The following LRBA variants were observed in gnomAD, a reference collection of about 807,000 sequenced individuals.
The protein encoded by LRBA is LPS responsive beige-like anchor protein, also known as lipopolysaccharide-responsive and beige-like anchor protein.
In LRBA, 176 loss-of-function variants were observed where a neutral mutation model predicts 330.0. That is an observed-to-expected ratio of 0.53 (90% confidence interval 0.47 to 0.60). LRBA has a LOEUF of 0.60. LRBA is among the 20% of genes least tolerant of loss of function. The pLI, the probability that LRBA is intolerant of heterozygous loss-of-function variation, is 0.00. For missense variants in LRBA, 3,259 were observed against 3,444.8 expected, an observed-to-expected ratio of 0.95 and a Z score of 1.35; for synonymous variants, 1,230 against 1,193.0, an observed-to-expected ratio of 1.03 and a Z score of -0.64.
rs1733621450 is a variant in LRBA, at chr4:150,328,767, G to GCA, written c.7363-2871_7363-2870dup. Among the ~76,000 whole-genome samples the GCA allele has an allele frequency of 2.6e-5, 4 of 152,156 alleles. No homozygotes were observed. The South Asian group carries it at 8.3e-4, about 32-fold the overall frequency. On this transcript the variant is annotated intron_variant, in intron 48 of 56. Transcript: ENST00000651943. ...CAGAGGGTGGGTGGGAGGAAAAGCA[G>GCA]CATAGAGTGATATGGAAGCCATAGG...
intron 53 of LRBA, among the ~76,000 whole-genome samples, chr4:150,290,939 T>C (rs1728203133): frequency 6.6e-6 from 1 of 152,188 alleles, no homozygotes; most frequent in African/African-American, 2.4e-5. Flanking sequence ...AGCATTTATA[T>C]TGGACTTATG....
intron 22 of LRBA, among the ~76,000 whole-genome samples, chr4:150,859,362 T>G (rs945339039): frequency 2.6e-5 from 4 of 152,156 alleles, no homozygotes; most frequent in Non-Finnish European, 5.9e-5. Context: ...TAATTCAGAA[T>G]AGTTTAAATG....
intron 44 of LRBA, among the ~76,000 whole-genome samples, chr4:150,457,113 T>G (rs1754175416): frequency 6.6e-6 from 1 of 152,256 alleles, no homozygotes; most frequent in Non-Finnish European, 1.5e-5. Context: ...ATTCTAATTT[T>G]TATATTGCTC....
chr4:150,867,650 C>T (rs182290386), intron 22 of LRBA, 21 bp downstream of exon 22: 576 of 1,572,528 alleles, frequency 3.7e-4, no homozygotes, highest in Non-Finnish European at 4.6e-4. Flanking sequence ...TGCTACAATA[C>T]GCTTTCATAA....
At chr4:150,888,153 G>C (rs1395805167) in intron 17 of LRBA, among the ~76,000 whole-genome samples, 5 of 151,386 alleles carry the variant, frequency 3.3e-5, no homozygotes, top group Admixed American at 6.6e-5. Context: ...TAAGGAAAAA[G>C]GAAAGGAAAA....
intron 37 of LRBA, among the ~76,000 whole-genome samples, chr4:150,619,389 T>G (rs1776086937): frequency 6.6e-6 from 1 of 152,152 alleles, no homozygotes; most frequent in African/African-American, 2.4e-5. Flanking sequence ...CTTTATCAAG[T>G]ATTGCAAAGC....
At chr4:150,881,357 T>C (rs901559476) in intron 17 of LRBA, among the ~76,000 whole-genome samples, 2 of 152,172 alleles carry the variant, frequency 1.3e-5, no homozygotes, top group Admixed American at 6.6e-5. Flanking sequence ...CAAAATCATG[T>C]CCTTTGCAGA....
At chr4:150,652,803 G>T (rs746833528) in intron 37 of LRBA, among the ~76,000 whole-genome samples, 4 of 152,094 alleles carry the variant, frequency 2.6e-5, no homozygotes, top group Non-Finnish European at 5.9e-5. Context: ...ATACTAGACT[G>T]CACAGTAATC....
rs148878711 is a variant in LRBA, at chr4:150,378,188, A to T, written c.7195-28029T>A. On this transcript the variant is annotated intron_variant, in intron 47 of 56. Coordinates refer to ENST00000651943, the MANE Select transcript of LRBA (RefSeq NM_001364905.1). The stretch of plus-strand genomic sequence containing the variant: ...CTTCTTATGTATAAGTGATTGACAG[A>T]TAATAGCTGACTACCTGCCAATTTG... 4.4e-3 allele frequency among the ~76,000 whole-genome samples: 666 copies of T among 152,308 alleles called. 3 individuals carry two copies. The highest frequency in any genetic ancestry group is 0.015 in the African/African-American group (631 of 41,572).
intron 2 of LRBA, among the ~76,000 whole-genome samples, chr4:150,998,309 C>T (rs1055572957): frequency 4.0e-5 from 6 of 149,652 alleles, no homozygotes; most frequent in African/African-American, 1.5e-4. Flanking sequence ...GCCGAGATCA[C>T]GCCACTGCAC....
intron 14 of LRBA, among the ~76,000 whole-genome samples, chr4:150,898,055 G>A (rs149733195): frequency 6.6e-6 from 1 of 151,972 alleles, no homozygotes; most frequent in African/African-American, 2.4e-5. Flanking sequence ...GAAGAAGTTT[G>A]TACTTTGAAT....
chr4:150,483,770 G>T (rs763767846), intron 42 of LRBA, among the ~76,000 whole-genome samples: 1 of 152,032 alleles, frequency 6.6e-6, no homozygotes, highest in South Asian at 2.1e-4. Context: ...ATCCATGAGC[G>T]TAGTATAGTA....
chr4:150,722,659 T>G (rs1582149008), intron 36 of LRBA, among the ~76,000 whole-genome samples: 2 of 151,970 alleles, frequency 1.3e-5, no homozygotes, highest in Non-Finnish European at 1.5e-5. Flanking sequence ...GATGGCAGAA[T>G]AGAGGCCTAT....
At chr4:150,356,396 CTAA>C (rs1737852852) in intron 47 of LRBA, among the ~76,000 whole-genome samples, 1 of 152,006 alleles carries the variant, frequency 6.6e-6, no homozygotes, top group African/African-American at 2.4e-5. Flanking sequence ...TCCTGTCCCC[CTAA>C]TAAGATGCAT....
chr4:150,344,965 C>G (rs762589252), intron 48 of LRBA, among the ~76,000 whole-genome samples: 30 of 152,294 alleles, frequency 2.0e-4, no homozygotes, highest in Non-Finnish European at 4.0e-4. Context: ...CTAGCCATCT[C>G]TTTTATCTAT....
chr4:150,914,354 A>G lies in LRBA; in HGVS notation c.1015-13T>C. On this transcript the variant is annotated splice_polypyrimidine_tract_variant and intron_variant, in intron 8 of 56. Transcript: ENST00000651943. ...ATTTGTCAAAGGTCTGTAAAAGAAAAAAAAAAAGGAATTAGGAAAAAACAA... is the reference window on the plus strand; with the variant it reads ...ATTTGTCAAAGGTCTGTAAAAGAAAGAAAAAAAGGAATTAGGAAAAAACAA... 1.4e-6 allele frequency: 2 copies of G among 1,480,250 alleles called. No homozygotes were observed. Among genetic ancestry groups the G allele is most frequent in the Non-Finnish European group, 1.8e-6 (2 of 1,110,110 alleles). 91.7% of individuals were successfully genotyped at this position (1,480,250 alleles called of 1,614,324 possible). A position where few individuals can be genotyped will look rare whatever the true frequency, so the allele number is the denominator to read the frequency against.
intron 47 of LRBA, among the ~76,000 whole-genome samples, chr4:150,388,658 T>C (rs567270130): frequency 2.2e-4 from 33 of 152,176 alleles, no homozygotes; most frequent in Non-Finnish European, 4.0e-4. Flanking sequence ...TTTAAAAGCC[T>C]GTTGGGAGCA....
chr4:150,535,691 G>T (rs190784842), intron 40 of LRBA, among the ~76,000 whole-genome samples: 28 of 152,248 alleles, frequency 1.8e-4, no homozygotes, highest in Non-Finnish European at 3.5e-4. Flanking sequence ...TAAAATTGAA[G>T]ATAGAAAACA....
chr4:150,858,519 T>C (rs543762362), intron 22 of LRBA, among the ~76,000 whole-genome samples: 86 of 152,190 alleles, frequency 5.7e-4, no homozygotes, highest in East Asian at 2.9e-3. Context: ...AATGCGGACA[T>C]TTTGTAACTT....
Sources: allele counts gnomAD v4.1 joint callset (sites outside exome capture counted in the v4.1 genomes callset), GRCh38; gene constraint gnomAD v4.1.1; transcripts MANE v1.5; gene names NCBI Gene and HGNC (gene_info 2026-07-23, HGNC 2026-07-21).